Variants in ZNF292 observed in about 807,000 individuals in gnomAD.
The protein encoded by ZNF292 is zinc finger protein 292.
Under a neutral mutation model 217.9 loss-of-function variants are expected in ZNF292, and 26 were observed. The ratio of observed to expected loss-of-function variants is 0.12; its 90% CI spans 0.09 to 0.17. The LOEUF is 0.17. ZNF292 is among the 10% of genes least tolerant of loss of function. The pLI is 1.00. For synonymous variants in ZNF292, 1,257 were observed against 1,124.1 expected (o/e 1.12, Z -2.37); for missense variants, 2,904 against 3,175.2 (o/e 0.91, Z 2.05).
intron 4 of ZNF292, among the ~76,000 whole-genome samples, chr6:87,231,450 C>T (rs951814404): frequency 6.6e-6 from 1 of 152,178 alleles, no homozygotes; most frequent in African/African-American, 2.4e-5. Context: ...TTCTCTGAGC[C>T]TCAGTTTACT....
intron 4 of ZNF292, among the ~76,000 whole-genome samples, chr6:87,229,899 G>A (rs572602121): frequency 6.6e-6 from 1 of 152,162 alleles, no homozygotes; most frequent in East Asian, 1.9e-4. Context: ...AGTGATGGAG[G>A]TGGTAAGAGT....
At position 87,243,522 on chromosome 6, in the gene ZNF292, A is replaced by C; in HGVS notation, c.789A>C (p.Leu263Phe). ...ATGCACTGGAAATGATCTGTAACTT[A>C]GAATCTGAGGGTGATGAAAAAAGCG... ...CKDALEMICN[L>F]ESEGDEKSAL... is the part of the protein sequence containing the mutation. The change falls in exon 6 of 8, where the codon TTA (leucine) becomes TTC (phenylalanine). Residue 263 changes from leucine to phenylalanine, a missense_variant. This residue lies in a region of ZNF292 where 313 missense variants were observed against 451.0 expected (regional missense o/e 0.69). Transcript: ENST00000369577. 1 of 1,556,340 alleles carries C rather than the reference A, an allele frequency of 6.4e-7. No homozygotes were observed.
intron 1 of ZNF292, among the ~76,000 whole-genome samples, chr6:87,205,071 T>TC (rs1418723323): frequency 1.2e-4 from 19 of 152,110 alleles, no homozygotes; most frequent in Admixed American, 7.2e-4. Context: ...TGGGGTTTTT[T>TC]CCCGCTCTCC....
chr6:87,248,693 A>G (rs1451578651), intron 7 of ZNF292, among the ~76,000 whole-genome samples: 1 of 152,222 alleles, frequency 6.6e-6, no homozygotes, highest in East Asian at 1.9e-4. Flanking sequence ...GACAGAGTAG[A>G]GTAGAAAGAA....
chr6:87,244,970 G>A (rs1774497244), intron 6 of ZNF292, among the ~76,000 whole-genome samples: 1 of 152,194 alleles, frequency 6.6e-6, no homozygotes, highest in South Asian at 2.1e-4. Flanking sequence ...GCCGGGCACA[G>A]TGGCTCATGC....
chr6:87,189,517 T>G (rs7742710), intron 1 of ZNF292, among the ~76,000 whole-genome samples: 81,217 of 151,752 alleles, frequency 0.54, 22,169 homozygotes, highest in Admixed American at 0.62. Context: ...CTCCTTAGGC[T>G]CCTCTGAGCA....
rs193126841 is a variant in ZNF292, at chr6:87,212,136, C to G, written c.169-3767C>G. 7.3e-4 allele frequency among the ~76,000 whole-genome samples: 111 copies of G among 152,230 alleles called. 1 individual carries two copies. Among genetic ancestry groups the G allele is most frequent in the Non-Finnish European group, 4.4e-5 (3 of 68,020 alleles). On this transcript the variant is annotated intron_variant, in intron 1 of 7. Coordinates refer to ENST00000369577, the MANE Select transcript of ZNF292 (RefSeq NM_015021.3). ...AGAACTCAGGAAAATGCTATACTTA[C>G]TATTACAAGGTATTATAAAGGATAC... is the stretch of plus-strand genomic sequence containing the variant.
At chr6:87,155,833 C>G in intron 1 of ZNF292, 74 bp downstream of exon 1, 1 of 1,448,132 alleles carries the variant, frequency 6.9e-7, no homozygotes, top group East Asian at 2.5e-5. Context: ...GCTAGGCGGC[C>G]GAGAGGTGGT....
At chr6:87,225,752 T>C (rs1029643972) in intron 4 of ZNF292, among the ~76,000 whole-genome samples, 3 of 152,192 alleles carry the variant, frequency 2.0e-5, no homozygotes, top group African/African-American at 7.2e-5. Flanking sequence ...TTTTCACTTA[T>C]TCTATGGTGT....
Position 87,178,465 on chromosome 6 carries a change from G to A in ZNF292, c.168+22706G>A, listed in dbSNP as rs143055607. On this transcript the variant is annotated intron_variant, in intron 1 of 7. Transcript: ENST00000369577. ...TATCTATATTCAGGGCAAGGATTCA[G>A]TTTGATCAAACAGTTCTTATAAAGC... Among the ~76,000 whole-genome samples the A allele has an allele frequency of 1.1e-3, 175 of 152,260 alleles. 1 individual carries two copies. In the East Asian group the frequency reaches 0.03, roughly 26 times the overall value.
chr6:87,238,639 A>T (rs201449582), intron 5 of ZNF292, among the ~76,000 whole-genome samples: 2 of 136,176 alleles, frequency 1.5e-5, no homozygotes, highest in East Asian at 2.0e-4. Flanking sequence ...GTAAGTATTT[A>T]TTTTTTTTAT....
rs540216390 is a variant in ZNF292, at chr6:87,198,450, C to T, written c.169-17453C>T. 9.7e-4 allele frequency among the ~76,000 whole-genome samples: 147 copies of T among 152,254 alleles called. 1 individual carries two copies. Among genetic ancestry groups the T allele is most frequent in the African/African-American group, 3.5e-3 (144 of 41,542 alleles). ...TGATCTCCTCACCTCGTGATCCGCC[C>T]GCCTGGGCCTCCCAAAGTGCTGGGA... On this transcript the variant is annotated intron_variant, in intron 1 of 7. Transcript: ENST00000369577.
intron 5 of ZNF292, among the ~76,000 whole-genome samples, chr6:87,241,656 G>T (rs1371853869): frequency 1.3e-5 from 2 of 152,154 alleles, no homozygotes; most frequent in Non-Finnish European, 2.9e-5. Context: ...CTGACCTCAG[G>T]TGATCCACCC....
rs1316145577 is a variant in ZNF292 at position 87,255,678 on chromosome 6, C to T, written c.2049C>T (p.Cys683=). 7.4e-6 allele frequency: 12 copies of T among 1,613,038 alleles called. No homozygotes were observed. The highest frequency in any genetic ancestry group is 1.0e-5 in the Non-Finnish European group (12 of 1,179,548). ...QKPVPVNEFN[C]PVTFCKKGFK... ...CAGTACCTGTTAATGAATTTAATTG[C>T]CCTGTAACTTTTTGTAAAAAGGGCT... Residue 683 remains cysteine, a synonymous_variant, in exon 8 of 8, where the codon TGC becomes TGT. Transcript: ENST00000369577.
intron 1 of ZNF292, among the ~76,000 whole-genome samples, chr6:87,191,413 C>CT (rs1157706671): frequency 6.6e-6 from 1 of 152,178 alleles, no homozygotes; most frequent in East Asian, 1.9e-4. Flanking sequence ...ATTAGTGACA[C>CT]TTAGATTGTT....
chr6:87,164,947 A>G (rs1202205931), intron 1 of ZNF292, among the ~76,000 whole-genome samples: 2 of 116,942 alleles, frequency 1.7e-5, no homozygotes, highest in African/African-American at 3.2e-5. Context: ...TTTTTTTGGT[A>G]AGAGATGGGG....
rs1479170572 is a variant in ZNF292, at chr6:87,261,969, T to C, written c.*168T>C. 3.3e-5 allele frequency: 16 copies of C among 481,006 alleles called. No individual in the cohort carries two copies. Among genetic ancestry groups the C allele is most frequent in the Non-Finnish European group, 5.2e-5 (15 of 285,804 alleles). 29.8% of individuals were successfully genotyped at this position (481,006 alleles called of 1,614,324 possible). On this transcript the variant is annotated 3_prime_UTR_variant, in exon 8 of 8. Coordinates refer to ENST00000369577, the MANE Select transcript of ZNF292 (RefSeq NM_015021.3). ...ACATGACATTTGTCATGTAAAACTT[T>C]TTTTTATCCCTATGGGACTTGAGGA...
In ZNF292 at chr6:87,216,167, C is replaced by T. The variant is rs552081813; in HGVS notation, c.323+110C>T. On this transcript the variant is annotated intron_variant, in intron 2 of 7. Coordinates refer to ENST00000369577, the MANE Select transcript of ZNF292 (RefSeq NM_015021.3). Reference sequence around the variant, plus strand: ...CACACACACACACACAACATTAAATCTCAAGTCTTATAGTTTAATTTTAAA... The same window carrying T: ...CACACACACACACACAACATTAAATTTCAAGTCTTATAGTTTAATTTTAAA... 1.7e-4 allele frequency: 227 copies of T among 1,311,504 alleles called. 5 individuals carry two copies. The South Asian group carries it at 3.1e-3, about 18-fold the overall frequency. The allele number at this position is 1,311,504 out of a possible 1,614,324, so 81.2% of individuals were successfully genotyped here. A position where few individuals can be genotyped will look rare whatever the true frequency, so the allele number is the denominator to read the frequency against.
intron 1 of ZNF292, among the ~76,000 whole-genome samples, chr6:87,205,412 A>T (rs56339849): frequency 0.01 from 1,583 of 151,172 alleles, 29 homozygotes; most frequent in African/African-American, 0.035. Context: ...TATGATAATT[A>T]TTTTTTTTTC....
Sources: allele counts gnomAD v4.1 joint callset (sites outside exome capture counted in the v4.1 genomes callset), GRCh38; gene constraint gnomAD v4.1.1; regional missense constraint gnomAD v4.1.1; transcripts MANE v1.5; gene names NCBI Gene and HGNC (gene_info 2026-07-23, HGNC 2026-07-21).